Variants in SAR1B observed in about 807,000 individuals in gnomAD.
The protein encoded by SAR1B is small COPII coat GTPase SAR1B.
In SAR1B, 23 loss-of-function variants were observed where a neutral mutation model predicts 26.8. That is an observed-to-expected ratio of 0.86 (90% CI 0.62 to 1.22). SAR1B has a LOEUF of 1.22. Among genes scored for constraint, SAR1B ranks in the 50% most tolerant of loss-of-function variants. SAR1B has a pLI of 0.00. For missense variants in SAR1B, 196 were observed against 232.8 expected (o/e 0.84, Z 1.03); for synonymous variants, 65 against 80.8 (o/e 0.80, Z 1.05).
Position 134,609,553 on chromosome 5 carries a change from T to A in SAR1B, c.348+18A>T. ...CCAGAGTGATTTGACTATATTTAGT[T>A]TCAGTTATTTAACTTACATCAAGTT... On this transcript the variant is annotated intron_variant, in intron 5 of 6. Transcript: ENST00000402673. 1 of 1,590,542 alleles carries A rather than the reference T, an allele frequency of 6.3e-7. No individual in the cohort carries two copies. The highest frequency in any genetic ancestry group is 8.6e-7 in the Non-Finnish European group (1 of 1,158,514).
chr5:134,611,423 A>G lies in SAR1B; in HGVS notation c.244+1268T>C, dbSNP rs114691265. On this transcript the variant is annotated intron_variant, in intron 4 of 6. Coordinates refer to ENST00000402673, the MANE Select transcript of SAR1B (RefSeq NM_016103.4). ...TAGATGTTGCCAAGTACTTTTGGGG[A>G]TATAAAAAATGAACAGGCCAGGTGT... 4.3e-3 allele frequency among the ~76,000 whole-genome samples: 656 copies of G among 152,164 alleles called. 4 individuals carry two copies. The highest frequency in any genetic ancestry group is 0.015 in the African/African-American group (623 of 41,502).
In SAR1B at chr5:134,612,732, C is replaced by G; in HGVS notation, c.203G>C (p.Gly68Ala). Residue 68 changes from glycine (G) to alanine (A), a missense_variant, in exon 4 of 7, where the codon GGC (glycine) becomes GCC (alanine). Physicochemically the swap from Gly to Ala is moderately conservative, Grantham distance 60. Coordinates refer to ENST00000402673, the MANE Select transcript of SAR1B (RefSeq NM_016103.4). ...CAGATCAAAAGTTGTAAACGTCATG[C>G]CAGCAATGGTCAGTTCTTCGGAAGC... ...HPTSEELTIA[G>A]MTFTTFDLGG... 6.4e-7 allele frequency: 1 copy of G among 1,562,124 alleles called. No homozygotes were observed. The highest frequency in any genetic ancestry group is 8.7e-7 in the Non-Finnish European group (1 of 1,154,048).
intron 2 of SAR1B, among the ~76,000 whole-genome samples, chr5:134,623,119 CT>C (rs1207214308): frequency 8.8e-5 from 7 of 79,500 alleles, no homozygotes; most frequent in Admixed American, 4.5e-4. Flanking sequence ...GAGACTCTGT[CT>C]CAAAAAAAAA....
chr5:134,623,676 A>G (rs911801143), intron 2 of SAR1B, among the ~76,000 whole-genome samples: 10 of 152,218 alleles, frequency 6.6e-5, no homozygotes, highest in African/African-American at 2.4e-4. Flanking sequence ...AATAAATGGT[A>G]GATAGTTCTG....
chr5:134,611,817 G>A (rs981172208), intron 4 of SAR1B, among the ~76,000 whole-genome samples: 2 of 152,026 alleles, frequency 1.3e-5, no homozygotes, highest in Non-Finnish European at 2.9e-5. Flanking sequence ...AAAACACCAA[G>A]AAGGTCTGAT....
At chr5:134,619,122 G>C (rs1178793845) in intron 3 of SAR1B, among the ~76,000 whole-genome samples, 1 of 151,510 alleles carries the variant, frequency 6.6e-6, no homozygotes, top group Admixed American at 6.6e-5. Flanking sequence ...CTGAGGTCGG[G>C]AGTTTGAGAC....
chr5:134,621,745 G>T (rs1417141195), intron 2 of SAR1B, among the ~76,000 whole-genome samples: 1 of 152,046 alleles, frequency 6.6e-6, no homozygotes, highest in Admixed American at 6.6e-5. Flanking sequence ...TTAATTAATT[G>T]ATTTATTTAG....
rs772285611 is a variant in SAR1B at position 134,620,951 on chromosome 5, C to A, written c.160G>T (p.Val54Phe). The A allele has an allele frequency of 6.4e-5, 103 of 1,613,718 alleles. No homozygotes were observed. Among genetic ancestry groups the A allele is most frequent in the Non-Finnish European group, 8.6e-5 (101 of 1,179,748 alleles). The stretch of plus-strand genomic sequence containing the variant: ...TACTTACTGGGATGTAATGTTGGGA[C>A]ATGTTGTCCAAGTCTGTCATCTTTT... ...MLKDDRLGQH[V>F]PTLHPTSEEL... Residue 54 changes from valine to phenylalanine, a missense_variant, in exon 3 of 7, where the codon GTC becomes TTC. Val to Phe is a conservative substitution (Grantham distance 50). Coordinates refer to ENST00000402673, the MANE Select transcript of SAR1B (RefSeq NM_016103.4).
At chr5:134,622,263 A>G (rs1765422142) in intron 2 of SAR1B, among the ~76,000 whole-genome samples, 1 of 152,170 alleles carries the variant, frequency 6.6e-6, no homozygotes, top group Non-Finnish European at 1.5e-5. Flanking sequence ...TATATATTTT[A>G]TCATTAAGGA....
chr5:134,627,084 G>A lies in SAR1B; in HGVS notation c.-18-3047C>T, dbSNP rs557555507. On this transcript the variant is annotated intron_variant, in intron 1 of 6. Transcript: ENST00000402673. ...ACTTTTTTTTTTGAGACAGAGTCTC[G>A]CCTGTCGCCCAGGATGGAGTGCACT... Among the ~76,000 whole-genome samples the A allele has an allele frequency of 2.0e-5, 3 of 151,182 alleles. No homozygotes were observed. The South Asian group carries it at 6.3e-4, about 32-fold the overall frequency.
chr5:134,618,395 G>C (rs1325423194), intron 3 of SAR1B: 1 of 152,158 alleles, frequency 6.6e-6, no homozygotes, highest in Non-Finnish European at 1.5e-5. Context: ...AAAATACTTT[G>C]TTTTGTTCTA....
chr5:134,619,553 G>A (rs1046949911), intron 3 of SAR1B, among the ~76,000 whole-genome samples: 1 of 151,278 alleles, frequency 6.6e-6, no homozygotes, highest in African/African-American at 2.4e-5. Context: ...TTGTAGAGAT[G>A]GAGTCTCAGT....
At chr5:134,612,357 G>C (rs1765227989) in intron 4 of SAR1B, among the ~76,000 whole-genome samples, 1 of 152,036 alleles carries the variant, frequency 6.6e-6, no homozygotes, top group South Asian at 2.1e-4. Flanking sequence ...CTCTGGCCTT[G>C]CGTGACTAGA....
chr5:134,611,650 G>C (rs1463340078), intron 4 of SAR1B, among the ~76,000 whole-genome samples: 1 of 152,178 alleles, frequency 6.6e-6, no homozygotes, highest in Non-Finnish European at 1.5e-5. Context: ...TTCCAAACTT[G>C]TTGTAGACAT....
chr5:134,632,315 A>C (rs1048953105), intron 1 of SAR1B: 4 of 152,168 alleles, frequency 2.6e-5, no homozygotes, highest in African/African-American at 9.7e-5. Flanking sequence ...GTTAACCAGT[A>C]CTAGTAAGGA....
chr5:134,617,671 GT>G (rs1010299750), intron 3 of SAR1B, among the ~76,000 whole-genome samples: 4 of 151,662 alleles, frequency 2.6e-5, no homozygotes, highest in Non-Finnish European at 5.9e-5. Context: ...TTTTTGTTGG[GT>G]TTTTTTTCTG....
intron 3 of SAR1B, among the ~76,000 whole-genome samples, chr5:134,617,697 T>C (rs545727899): frequency 3.2e-4 from 49 of 152,304 alleles, no homozygotes; most frequent in South Asian, 1.2e-3. Flanking sequence ...TTTTGTTTTT[T>C]TCGAGACAGA....
chr5:134,610,130 T>C (rs1765189603), intron 4 of SAR1B, among the ~76,000 whole-genome samples: 1 of 151,874 alleles, frequency 6.6e-6, no homozygotes, highest in African/African-American at 2.4e-5. Flanking sequence ...GTGATAAATT[T>C]GGAATGAGTG....
rs1204850020 is a variant in SAR1B at position 134,605,654 on chromosome 5, C to T, written c.*1296G>A. 1 of 19,130 alleles carries T rather than the reference C, an allele frequency of 5.2e-5. No individual in the cohort carries two copies. Among genetic ancestry groups the T allele is most frequent in the Non-Finnish European group, 1.1e-4 (1 of 8,748 alleles). The allele number at this position is 19,130 out of a possible 1,614,324, so 1.2% of individuals were successfully genotyped here. A position where few individuals can be genotyped will look rare whatever the true frequency, so the allele number is the denominator to read the frequency against. On this transcript the variant is annotated 3_prime_UTR_variant, in exon 7 of 7. Transcript: ENST00000402673. ...ACCCCGTCTCTAAAACAAAATGAAA[C>T]AGAGCAAAAAAAAAAAAAAAAAAAA...
Sources: allele counts gnomAD v4.1 joint callset (sites outside exome capture counted in the v4.1 genomes callset), GRCh38; gene constraint gnomAD v4.1.1; transcripts MANE v1.5; gene names NCBI Gene and HGNC (gene_info 2026-07-23, HGNC 2026-07-21).